Variants in LSAMP observed in about 807,000 individuals in gnomAD.
LSAMP encodes the protein limbic system-associated membrane protein.
A neutral mutation model predicts 38.6 loss-of-function variants in LSAMP; 7 were observed. The ratio of observed to expected loss-of-function variants is 0.18; its 90% CI spans 0.10 to 0.34. The LOEUF (loss-of-function observed/expected upper bound fraction) is 0.34. Among genes scored for constraint, LSAMP ranks in the 10% least tolerant of loss-of-function variants. The pLI is 1.00. For missense variants in LSAMP, 313 were observed against 420.0 expected (o/e 0.75, Z 2.23); for synonymous variants, 154 against 166.8 (o/e 0.92, Z 0.59).
At chr3:116,137,754 C>G (rs1709283040) in intron 1 of LSAMP, among the ~76,000 whole-genome samples, 1 of 151,946 alleles carries the variant, frequency 6.6e-6, no homozygotes, top group South Asian at 2.1e-4. Context: ...GAGATGAGAC[C>G]ATTGTGCTTT....
intron 3 of LSAMP, among the ~76,000 whole-genome samples, chr3:115,968,991 T>G (rs1012518203): frequency 1.3e-5 from 2 of 152,142 alleles, no homozygotes; most frequent in Non-Finnish European, 2.9e-5. Context: ...TGAGTTCCAA[T>G]GCAAAGACCT....
At chr3:115,941,917 A>C (rs905897280) in intron 3 of LSAMP, among the ~76,000 whole-genome samples, 5 of 152,188 alleles carry the variant, frequency 3.3e-5, no homozygotes, top group African/African-American at 1.2e-4. Context: ...GGTTGTGATA[A>C]TCAGTATACA....
chr3:116,161,183 A>G (rs898957097), intron 1 of LSAMP, among the ~76,000 whole-genome samples: 3 of 152,196 alleles, frequency 2.0e-5, no homozygotes, highest in Admixed American at 1.3e-4. Context: ...GACAAGAAGC[A>G]TGCAAAGGTT....
chr3:115,953,974 A>G (rs1249177401), intron 3 of LSAMP, among the ~76,000 whole-genome samples: 1 of 152,140 alleles, frequency 6.6e-6, no homozygotes, highest in African/African-American at 2.4e-5. Context: ...TCCTTAGCTA[A>G]AGCAAATGCC....
chr3:116,115,670 C>CA (rs1559748866), intron 1 of LSAMP, among the ~76,000 whole-genome samples: 2 of 151,232 alleles, frequency 1.3e-5, no homozygotes, highest in South Asian at 2.1e-4. Flanking sequence ...AGGCAAAAAA[C>CA]AAAAAACAAA....
intron 1 of LSAMP, among the ~76,000 whole-genome samples, chr3:116,308,125 C>T (rs778408947): frequency 1.2e-3 from 187 of 151,980 alleles, no homozygotes; most frequent in Non-Finnish European, 2.3e-3. Flanking sequence ...AAAAACCTTT[C>T]CCCCTACCAT....
intron 2 of LSAMP, among the ~76,000 whole-genome samples, chr3:116,031,765 G>A (rs1186157875): frequency 6.6e-6 from 1 of 151,598 alleles, no homozygotes; most frequent in Non-Finnish European, 1.5e-5. Flanking sequence ...TGATTCACAG[G>A]AGGTTTTAGA....
chr3:116,170,391 T>G (rs926929291), intron 1 of LSAMP, among the ~76,000 whole-genome samples: 1 of 152,158 alleles, frequency 6.6e-6, no homozygotes, highest in Non-Finnish European at 1.5e-5. Context: ...ATTTAACAAC[T>G]GAAAACATCC....
chr3:115,940,098 C>T (rs1464946750), intron 3 of LSAMP, among the ~76,000 whole-genome samples: 6 of 151,826 alleles, frequency 4.0e-5, no homozygotes, highest in East Asian at 1.9e-4. Context: ...TTGTTCCTCC[C>T]GGTGGTTTCG....
chr3:116,350,513 G>T (rs2048123416), intron 1 of LSAMP, among the ~76,000 whole-genome samples: 1 of 151,952 alleles, frequency 6.6e-6, no homozygotes, highest in African/African-American at 2.4e-5. Context: ...GTTCTGTCCT[G>T]CCTGGGACAT....
intron 1 of LSAMP, among the ~76,000 whole-genome samples, chr3:116,178,330 C>A (rs1214311900): frequency 1.3e-5 from 2 of 152,046 alleles, no homozygotes; most frequent in Non-Finnish European, 2.9e-5. Flanking sequence ...CCATGCTCGG[C>A]TAATTTTTTA....
chr3:116,344,013 A>C (rs1009381675), intron 1 of LSAMP, among the ~76,000 whole-genome samples: 3 of 152,158 alleles, frequency 2.0e-5, no homozygotes, highest in Admixed American at 6.6e-5. Flanking sequence ...TATTCATGGA[A>C]AAAGAAAATT....
intron 1 of LSAMP, among the ~76,000 whole-genome samples, chr3:116,379,165 A>T (rs1385303522): frequency 1.3e-5 from 2 of 152,086 alleles, no homozygotes; most frequent in Non-Finnish European, 2.9e-5. Context: ...TAATTGTATT[A>T]TTGACTATAC....
At chr3:115,886,970 T>A (rs937547109) in intron 3 of LSAMP, among the ~76,000 whole-genome samples, 1 of 151,956 alleles carries the variant, frequency 6.6e-6, no homozygotes, top group African/African-American at 2.4e-5. Flanking sequence ...TAATTATTTT[T>A]TAAAAACTAT....
Position 116,095,686 on chromosome 3 carries a change from T to G in LSAMP, c.156-9130A>C, listed in dbSNP as rs143328155. 9.8e-4 allele frequency among the ~76,000 whole-genome samples: 149 copies of G among 152,338 alleles called. 1 individual carries two copies. The highest frequency in any genetic ancestry group is 3.5e-3 in the African/African-American group (145 of 41,586). On this transcript the variant is annotated intron_variant, in intron 1 of 6. Transcript: ENST00000490035. ...GAGACCAGGAGAGAACCGATTTCTA[T>G]CCCAGTCACAGCTGGAGTTAGAGTC...
intron 3 of LSAMP, among the ~76,000 whole-genome samples, chr3:115,942,010 ATTTTG>A (rs55730415): frequency 0.18 from 27,924 of 151,868 alleles, 2,582 homozygotes; most frequent in Admixed American, 0.23. Flanking sequence ...AATAAGAATT[ATTTTG>A]TTTTAATTAT....
intron 1 of LSAMP, among the ~76,000 whole-genome samples, chr3:116,199,239 G>C (rs2045955305): frequency 6.6e-6 from 1 of 151,896 alleles, no homozygotes; most frequent in African/African-American, 2.4e-5. Flanking sequence ...GGAAAGCTTA[G>C]TCAACACCTA....
intron 1 of LSAMP, among the ~76,000 whole-genome samples, chr3:116,253,226 GAA>G (rs10719370): frequency 1.3e-5 from 2 of 151,660 alleles, no homozygotes; most frequent in African/African-American, 4.8e-5. Flanking sequence ...AATAAATACA[GAA>G]AAAAAAACCT....
chr3:115,918,550 A>G (rs534073933), intron 3 of LSAMP, among the ~76,000 whole-genome samples: 69 of 152,270 alleles, frequency 4.5e-4, no homozygotes, highest in African/African-American at 1.6e-3. Flanking sequence ...TGTGATGGAA[A>G]GCACAGGAAC....
Sources: gnomAD v4.1 joint callset for allele counts (sites outside exome capture counted in the v4.1 genomes callset) on GRCh38, gnomAD v4.1.1 for gene constraint, MANE v1.5 for transcripts, NCBI Gene and HGNC (gene_info 2026-07-23, HGNC 2026-07-21) for gene names.